The following RTN1 variants were observed in gnomAD, a reference collection of about 807,000 sequenced individuals.
The protein encoded by RTN1 is reticulon 1, also known as reticulon-1.
Under a neutral mutation model 65.5 loss-of-function variants are expected in RTN1, and 25 were observed. The observed-to-expected ratio is 0.38, with a 90% CI of 0.28 to 0.53. The LOEUF (loss-of-function observed/expected upper bound fraction) is 0.53, where lower values mean the gene tolerates loss of function less well. Among genes scored for constraint, RTN1 ranks in the 20% least tolerant of loss-of-function variants. RTN1 has a pLI of 0.79. For missense variants in RTN1, 983 were observed against 1,025.4 expected (o/e 0.96, Z 0.57); for synonymous variants, 471 against 447.6 (o/e 1.05, Z -0.66).
chr14:59,800,641 C>T (rs1886527377), intron 1 of RTN1, among the ~76,000 whole-genome samples: 1 of 152,130 alleles, frequency 6.6e-6, no homozygotes, highest in African/African-American at 2.4e-5. Context: ...ACCTCGTGAT[C>T]TGCCCACCTC....
At chr14:59,714,882 T>C (rs1437223435) in intron 3 of RTN1, among the ~76,000 whole-genome samples, 5 of 152,224 alleles carry the variant, frequency 3.3e-5, no homozygotes, top group African/African-American at 1.2e-4. Flanking sequence ...CATTTCTTCC[T>C]GAGCTCTACC....
At chr14:59,863,357 C>T (rs1887742658) in intron 1 of RTN1, among the ~76,000 whole-genome samples, 1 of 152,172 alleles carries the variant, frequency 6.6e-6, no homozygotes, top group Non-Finnish European at 1.5e-5. Context: ...ACCATTTCAA[C>T]CGAGATGTTT....
Position 59,855,017 on chromosome 14 carries a change from A to G in RTN1, c.241+15373T>C, listed in dbSNP as rs146234170. ...AAATGTGGAAAACATCTCAACAACT[A>G]AAAGTAGTACTATATGGTTATTTTC... On this transcript the variant is annotated intron_variant, in intron 1 of 8. Coordinates refer to ENST00000267484, the MANE Select transcript of RTN1 (RefSeq NM_021136.3). 3.3e-4 allele frequency among the ~76,000 whole-genome samples: 50 copies of G among 152,330 alleles called. No homozygotes were observed. The East Asian group carries it at 8.7e-3, about 26-fold the overall frequency.
intron 3 of RTN1, among the ~76,000 whole-genome samples, chr14:59,652,884 GAA>G (rs1883047576): frequency 1.3e-5 from 2 of 151,678 alleles, no homozygotes; most frequent in South Asian, 4.2e-4. Context: ...AACTGAAAGA[GAA>G]AAAAGCCTAA....
At chr14:59,771,946 A>G (rs1295132325) in intron 1 of RTN1, among the ~76,000 whole-genome samples, 1 of 152,232 alleles carries the variant, frequency 6.6e-6, no homozygotes, top group Admixed American at 6.5e-5. Flanking sequence ...TAAAATAACC[A>G]TTTTATTTTA....
At chr14:59,802,381 T>C (rs888488419) in intron 1 of RTN1, among the ~76,000 whole-genome samples, 2 of 152,180 alleles carry the variant, frequency 1.3e-5, no homozygotes, top group African/African-American at 4.8e-5. Context: ...TACATGGCAC[T>C]AGGCTACAAC....
chr14:59,749,599 C>A lies in RTN1; in HGVS notation c.242-3118G>T, dbSNP rs189570904. ...TATATATAGATATTTATATATATAT[C>A]TATCTATATATATTTATATAGATAT... is the stretch of plus-strand genomic sequence containing the variant. On this transcript the variant is annotated intron_variant, in intron 1 of 8. Transcript: ENST00000267484. Among the ~76,000 whole-genome samples, 9 of 21,990 alleles carry A rather than the reference C, an allele frequency of 4.1e-4. 1 individual carries two copies. The highest frequency in any genetic ancestry group is 1.3e-3 in the South Asian group (1 of 776). The allele number at this position is 21,990 out of a possible 152,430, so 14.4% of individuals were successfully genotyped here.
At chr14:59,612,109 G>A (rs566579946) in intron 3 of RTN1, among the ~76,000 whole-genome samples, 8 of 152,344 alleles carry the variant, frequency 5.3e-5, no homozygotes, top group Non-Finnish European at 8.8e-5. Flanking sequence ...CTGATATTGG[G>A]TGCTGAATGA....
chr14:59,751,191 C>CTTTTTTTTTTTTT (rs34021179), intron 1 of RTN1, among the ~76,000 whole-genome samples: 1 of 90,794 alleles, frequency 1.1e-5, no homozygotes, highest in Non-Finnish European at 2.0e-5. Flanking sequence ...CTCATTATAC[C>CTTTTTTTTTTTTT]TTTTTTTTTT....
chr14:59,603,339 T>C (rs1437968181), intron 6 of RTN1, 81 bp from the exon 7 acceptor site: 9 of 1,037,630 alleles, frequency 8.7e-6, no homozygotes, highest in African/African-American at 6.5e-5. Flanking sequence ...TATATGGTTA[T>C]ATGATATTAT....
Position 59,698,381 on chromosome 14 carries a change from C to T in RTN1, c.1765+28538G>A, listed in dbSNP as rs1468806140. Among the ~76,000 whole-genome samples the T allele has an allele frequency of 2.6e-5, 4 of 152,192 alleles. No homozygotes were observed. In the East Asian group the frequency reaches 7.7e-4, roughly 29 times the overall value. ...AGGAACAAATAGTCATAGCTGCCTG[C>T]CATTTTTCAATAGATTACAATAGCT... On this transcript the variant is annotated intron_variant, in intron 3 of 8. Transcript: ENST00000267484.
Position 59,633,948 on chromosome 14 carries a change from A to G in RTN1, c.1766-26456T>C, listed in dbSNP as rs187977529. On this transcript the variant is annotated intron_variant, in intron 3 of 8. Transcript: ENST00000267484. The stretch of plus-strand genomic sequence containing the variant: ...TCTGCATTGATACATTTATTCAACA[A>G]ATATTTATTGAGTACCTGCTGTGTG... 1.7e-4 allele frequency among the ~76,000 whole-genome samples: 26 copies of G among 152,306 alleles called. 1 individual carries two copies. In the East Asian group the frequency reaches 3.9e-3, roughly 23 times the overall value.
chr14:59,789,361 T>A (rs184537155), intron 1 of RTN1, among the ~76,000 whole-genome samples: 1 of 152,146 alleles, frequency 6.6e-6, no homozygotes, highest in African/African-American at 2.4e-5. Context: ...CAGTCCATCA[T>A]CCATTCCTAT....
At chr14:59,845,226 T>C (rs1887386594) in intron 1 of RTN1, among the ~76,000 whole-genome samples, 1 of 152,210 alleles carries the variant, frequency 6.6e-6, no homozygotes, top group Non-Finnish European at 1.5e-5. Flanking sequence ...ATACTCTTTA[T>C]AACCATTAAA....
intron 1 of RTN1, among the ~76,000 whole-genome samples, chr14:59,860,753 T>C (rs1464411168): frequency 1.3e-5 from 2 of 152,174 alleles, no homozygotes; most frequent in East Asian, 1.9e-4. Context: ...CCCAAGATCA[T>C]GGGAACCCAC....
In RTN1 at chr14:59,711,507, T is replaced by G. The variant is rs113500293; in HGVS notation, c.1765+15412A>C. On this transcript the variant is annotated intron_variant, in intron 3 of 8. Transcript: ENST00000267484. ...GGACTCAATAACATTTAAATGTGCT[T>G]TTGAAAAAGAACACAAGCTATAAAG... Among the ~76,000 whole-genome samples, 18 of 152,342 alleles carry G rather than the reference T, an allele frequency of 1.2e-4. 1 individual carries two copies. Among genetic ancestry groups the G allele is most frequent in the African/African-American group, 4.1e-4 (17 of 41,584 alleles).
rs141987373 is a variant in RTN1 at position 59,716,058 on chromosome 14, C to T, written c.1765+10861G>A. ...TTTCCAAGTGATTGGACTGAATTTC[C>T]GGCTTACAGACCATGCTAACACTTG... On this transcript the variant is annotated intron_variant, in intron 3 of 8. Transcript: ENST00000267484. 1.6e-3 allele frequency among the ~76,000 whole-genome samples: 248 copies of T among 152,216 alleles called. 1 individual carries two copies. The highest frequency in any genetic ancestry group is 5.4e-3 in the African/African-American group (224 of 41,528).
chr14:59,665,466 G>A lies in RTN1; in HGVS notation c.1766-57974C>T, dbSNP rs186811142. ...GCATTAAACATGGAAAGAAACAACC[G>A]GTACCAGCCACTGCAGAAACATCCC... On this transcript the variant is annotated intron_variant, in intron 3 of 8. Transcript: ENST00000267484. 2.4e-3 allele frequency among the ~76,000 whole-genome samples: 360 copies of A among 152,162 alleles called. 1 individual carries two copies. The highest frequency in any genetic ancestry group is 4.2e-3 in the African/African-American group (173 of 41,506).
chr14:59,761,115 C>T (rs1885739562), intron 1 of RTN1, among the ~76,000 whole-genome samples: 3 of 152,172 alleles, frequency 2.0e-5, no homozygotes, highest in Admixed American at 2.0e-4. Flanking sequence ...TAAACATCTG[C>T]ATCATTTCAA....
Sources: gnomAD v4.1 joint callset for allele counts (sites outside exome capture counted in the v4.1 genomes callset) on GRCh38, gnomAD v4.1.1 for gene constraint, MANE v1.5 for transcripts, NCBI Gene and HGNC (gene_info 2026-07-23, HGNC 2026-07-21) for gene names.